TNS3: variants seen among roughly 807,000 people sequenced by gnomAD.
TNS3 encodes tensin-3.
TNS3 carries 45 observed loss-of-function variants against 140.9 expected under a neutral mutation model. The observed-to-expected ratio is 0.32, with a 90% CI of 0.25 to 0.41. TNS3 has a LOEUF of 0.41. TNS3 is among the 10% of genes least tolerant of loss of function. TNS3 has a pLI of 1.00. For missense variants in TNS3, 1,716 were observed against 1,906.7 expected, an observed-to-expected ratio of 0.90 and a Z score of 1.86; for synonymous variants, 815 against 788.4, an observed-to-expected ratio of 1.03 and a Z score of -0.56.
At position 47,557,634 on chromosome 7, in the gene TNS3, C is replaced by T. The variant is rs117171768; in HGVS notation, c.-265+24417G>A. ...CAGAATACTCTCTGGGATTTTTCAT[C>T]CTAGTTTGTTTTTTTAAGTGCCAAC... is the stretch of plus-strand genomic sequence containing the variant. On this transcript the variant is annotated intron_variant, in intron 1 of 30. Transcript: ENST00000311160. Among the ~76,000 whole-genome samples, 257 of 152,242 alleles carry T rather than the reference C, an allele frequency of 1.7e-3. 1 individual carries two copies. The highest frequency in any genetic ancestry group is 4.8e-3 in the Admixed American group (74 of 15,302).
At chr7:47,292,109 T>A in intron 26 of TNS3, 77 bp from the exon 27 acceptor site, 1 of 1,428,924 alleles carries the variant, frequency 7.0e-7, no homozygotes, top group Middle Eastern at 1.8e-4. Flanking sequence ...TTAGACAATT[T>A]GATGACAGAA....
At chr7:47,460,116 G>A (rs1405894975) in intron 4 of TNS3, among the ~76,000 whole-genome samples, 1 of 151,602 alleles carries the variant, frequency 6.6e-6, no homozygotes, top group Non-Finnish European at 1.5e-5. Flanking sequence ...GGGAGGCTGA[G>A]GCAGGAGAAT....
chr7:47,490,415 C>T (rs1797767511), intron 3 of TNS3, among the ~76,000 whole-genome samples: 1 of 152,224 alleles, frequency 6.6e-6, no homozygotes, highest in South Asian at 2.1e-4. Context: ...TTTTCAAAGA[C>T]GGTGGCATCA....
chr7:47,315,317 CG>C (rs1207000007), intron 20 of TNS3, among the ~76,000 whole-genome samples: 1 of 152,200 alleles, frequency 6.6e-6, no homozygotes, highest in Non-Finnish European at 1.5e-5. Flanking sequence ...TGGTGCCCTG[CG>C]GGGGTGAGGT....
chr7:47,427,930 CATT>C (rs1794741939), intron 9 of TNS3, among the ~76,000 whole-genome samples: 2 of 152,210 alleles, frequency 1.3e-5, no homozygotes, highest in Admixed American at 6.5e-5. Context: ...CTGTCATCAT[CATT>C]ATATACAAGG....
chr7:47,380,088 G>A (rs758976233), intron 16 of TNS3, among the ~76,000 whole-genome samples: 4 of 152,254 alleles, frequency 2.6e-5, no homozygotes, highest in Non-Finnish European at 4.4e-5. Flanking sequence ...GCGCTCCCGC[G>A]GTCTCCTGGG....
intron 20 of TNS3, among the ~76,000 whole-genome samples, chr7:47,305,251 CCA>C (rs1422154032): frequency 6.6e-6 from 1 of 152,232 alleles, no homozygotes; most frequent in African/African-American, 2.4e-5. Flanking sequence ...ATTCAGTCCC[CCA>C]CAGTGTCCAG....
At chr7:47,385,224 C>T (rs1026530438) in intron 16 of TNS3, among the ~76,000 whole-genome samples, 1 of 152,194 alleles carries the variant, frequency 6.6e-6, no homozygotes, top group Non-Finnish European at 1.5e-5. Flanking sequence ...GAGCTCAGCA[C>T]ATCAGCAGAA....
At position 47,286,601 on chromosome 7, in the gene TNS3, GC is replaced by G. The variant is rs1338327550; in HGVS notation, c.3929-2737del. Among the ~76,000 whole-genome samples, 5 of 152,234 alleles carry G rather than the reference GC, an allele frequency of 3.3e-5. No individual in the cohort carries two copies. The East Asian group carries it at 9.7e-4, about 29-fold the overall frequency. On this transcript the variant is annotated intron_variant, in intron 27 of 30. Coordinates refer to ENST00000311160, the MANE Select transcript of TNS3 (RefSeq NM_022748.12). ...GGCATGGAGTTCTGTCAATTGCTAGGCTACTCTGGGAAAGGGACTTGATAAC... is the reference window on the plus strand; with the variant it reads ...GGCATGGAGTTCTGTCAATTGCTAGGTACTCTGGGAAAGGGACTTGATAAC...
At chr7:47,569,690 C>T (rs532148958) in intron 1 of TNS3, among the ~76,000 whole-genome samples, 1 of 151,532 alleles carries the variant, frequency 6.6e-6, no homozygotes, top group South Asian at 2.1e-4. Context: ...CTCGTCTCTA[C>T]TAAAAATACA....
chr7:47,419,149 T>C (rs1025901234), intron 10 of TNS3, among the ~76,000 whole-genome samples: 12 of 152,246 alleles, frequency 7.9e-5, no homozygotes, highest in African/African-American at 2.9e-4. Context: ...GTCAGTTGCA[T>C]GGACATAAGG....
chr7:47,282,750 G>A lies in TNS3; in HGVS notation c.4097+947C>T, dbSNP rs115961434. ...AACGGGTCTGACCAGCAAAACCCAC[G>A]TTCTGCTTTGTGCTCATTTTTTTCA... On this transcript the variant is annotated intron_variant, in intron 28 of 30. Transcript: ENST00000311160. 4.9e-3 allele frequency among the ~76,000 whole-genome samples: 746 copies of A among 152,282 alleles called. 9 individuals carry two copies. The highest frequency in any genetic ancestry group is 0.014 in the African/African-American group (602 of 41,560).
At chr7:47,391,649 T>TTCTTCAGGGA (rs2151296862) in intron 16 of TNS3, among the ~76,000 whole-genome samples, 1 of 152,330 alleles carries the variant, frequency 6.6e-6, no homozygotes, top group East Asian at 1.9e-4. Context: ...TCCAGAGCTT[T>TTCTTCAGGGA]GCAGAGCCTC....
chr7:47,399,182 C>T (rs2151335025), intron 15 of TNS3, among the ~76,000 whole-genome samples: 1 of 149,900 alleles, frequency 6.7e-6, no homozygotes, highest in South Asian at 2.1e-4. Context: ...AGAAATGACA[C>T]AAACAAGTGG....
rs1788167926 is a variant in TNS3 at position 47,328,729 on chromosome 7, C to G, written c.2650+16026G>C. Reference sequence around the variant, plus strand: ...ACCAGGCTGGAAGCCTTTCACTCCTCAAGGCAGCCCAGGGGACCTTCCAAT... The same window carrying G: ...ACCAGGCTGGAAGCCTTTCACTCCTGAAGGCAGCCCAGGGGACCTTCCAAT... On this transcript the variant is annotated intron_variant, in intron 20 of 30. Coordinates refer to ENST00000311160, the MANE Select transcript of TNS3 (RefSeq NM_022748.12). 2.0e-5 allele frequency among the ~76,000 whole-genome samples: 3 copies of G among 152,236 alleles called. No homozygotes were observed. In the South Asian group the frequency reaches 6.2e-4, roughly 32 times the overall value.
chr7:47,574,198 C>A (rs2152022022), intron 1 of TNS3, among the ~76,000 whole-genome samples: 2 of 152,280 alleles, frequency 1.3e-5, no homozygotes, highest in African/African-American at 4.8e-5. Flanking sequence ...GAAACAAAAT[C>A]AGACCCTTTT....
chr7:47,470,290 T>A (rs1796898059), intron 4 of TNS3, among the ~76,000 whole-genome samples: 1 of 152,180 alleles, frequency 6.6e-6, no homozygotes, highest in African/African-American at 2.4e-5. Context: ...CCAACACACC[T>A]GGGTAACAAT....
chr7:47,530,838 AATAT>A (rs1554350245), intron 1 of TNS3, among the ~76,000 whole-genome samples: 9 of 54,564 alleles, frequency 1.6e-4, no homozygotes, highest in South Asian at 8.9e-4. Flanking sequence ...AAAAAAAAAA[AATAT>A]ATATATATAT....
intron 3 of TNS3, among the ~76,000 whole-genome samples, chr7:47,498,929 G>A (rs989289460): frequency 1.3e-5 from 2 of 152,290 alleles, no homozygotes; most frequent in Non-Finnish European, 2.9e-5. Context: ...GCCCCGAGCT[G>A]CTGGCAGCTG....
Sources: allele counts gnomAD v4.1 joint callset (sites outside exome capture counted in the v4.1 genomes callset), GRCh38; gene constraint gnomAD v4.1.1; transcripts MANE v1.5; gene names NCBI Gene and HGNC (gene_info 2026-07-23, HGNC 2026-07-21).